COX19: variants seen among roughly 807,000 people sequenced by gnomAD.
The protein encoded by COX19 is cytochrome c oxidase assembly protein COX19.
In COX19, 8 loss-of-function variants were observed where a neutral mutation model predicts 6.8. The observed-to-expected ratio is 1.18, with a 90% CI of 0.69 to 2.12. The LOEUF (loss-of-function observed/expected upper bound fraction) is 2.12. COX19 is among the 30% of genes most tolerant of loss of function. The pLI, the probability that COX19 is intolerant of heterozygous loss-of-function variation, is 0.00. For missense variants in COX19, 131 were observed against 104.6 expected (o/e 1.25, Z -1.10); for synonymous variants, 51 against 38.0 (o/e 1.34, Z -1.26).
At chr7:969,548 G>A (rs1175003471) in intron 2 of COX19, 92 bp from the exon 3 acceptor site, 5 of 821,048 alleles carry the variant, frequency 6.1e-6, no homozygotes, top group South Asian at 2.9e-5. Flanking sequence ...CACACCGGGG[G>A]TCCTGCCACC....
chr7:970,774 C>T (rs1847623696), intron 2 of COX19, among the ~76,000 whole-genome samples: 1 of 151,564 alleles, frequency 6.6e-6, no homozygotes, highest in Non-Finnish European at 1.5e-5. Flanking sequence ...TATAGGGTTT[C>T]ACTATGTTGC....
Position 973,173 on chromosome 7 carries a change from G to A in COX19, c.194+8C>T, listed in dbSNP as rs1231295022. 3.8e-6 allele frequency: 6 copies of A among 1,568,238 alleles called. No homozygotes were observed. Among genetic ancestry groups the A allele is most frequent in the Non-Finnish European group, 5.2e-6 (6 of 1,156,680 alleles). Reference sequence around the variant, plus strand: ...GAGGTGGAAATCATAACGCTTAGCTGTACTCACCTCTCCATCCTGCATTCT... The same window carrying A: ...GAGGTGGAAATCATAACGCTTAGCTATACTCACCTCTCCATCCTGCATTCT... On this transcript the variant is annotated splice_region_variant and intron_variant, in intron 2 of 2. Coordinates refer to ENST00000344111, the MANE Select transcript of COX19 (RefSeq NM_001031617.3).
intron 1 of COX19, among the ~76,000 whole-genome samples, chr7:974,260 A>G (rs1445116135): frequency 6.6e-6 from 1 of 151,398 alleles, no homozygotes; most frequent in Non-Finnish European, 1.5e-5. Flanking sequence ...TAAAAAAAAA[A>G]AAAAAAAAAA....
rs1273716395 is a variant in COX19, at chr7:967,978, A to C, written c.*1400T>G. On this transcript the variant is annotated 3_prime_UTR_variant, in exon 3 of 3. Coordinates refer to ENST00000344111, the MANE Select transcript of COX19 (RefSeq NM_001031617.3). The stretch of plus-strand genomic sequence containing the variant: ...ACAGTGCTGGGGCAACCCTGTGCCT[A>C]CACAAAATATTCTAATAAGAAACAA... 6.6e-6 allele frequency: 1 copy of C among 152,268 alleles called. No homozygotes were observed. The highest frequency in any genetic ancestry group is 6.5e-5 in the Admixed American group (1 of 15,288). The allele number at this position is 152,268 out of a possible 1,614,324, so 9.4% of individuals were successfully genotyped here.
At position 975,466 on chromosome 7, in the gene COX19, C is replaced by G; in HGVS notation, c.44G>C (p.Arg15Pro). The G allele has an allele frequency of 6.2e-7, 1 of 1,601,796 alleles. No individual in the cohort carries two copies. The highest frequency in any genetic ancestry group is 8.5e-7 in the Non-Finnish European group (1 of 1,175,708). ...MNFGTKSFQP[R>P]PPDKGSFPLD... Reference sequence around the variant, plus strand: ...CGGGAAGCTGCCCTTGTCCGGGGGCCGCGGCTGGAAGCTCTTGGTCCCGAA... The same window carrying G: ...CGGGAAGCTGCCCTTGTCCGGGGGCGGCGGCTGGAAGCTCTTGGTCCCGAA... Residue 15 changes from arginine (R) to proline (P), a missense_variant, in exon 1 of 3, where the codon CGG becomes CCG. Coordinates refer to ENST00000344111, the MANE Select transcript of COX19 (RefSeq NM_001031617.3).
rs1847601930 is a variant in COX19, at chr7:969,249, G to A, written c.*129C>T. On this transcript the variant is annotated 3_prime_UTR_variant, in exon 3 of 3. Transcript: ENST00000344111. ...CCTACCCAGGAGACGCCCCCACAGGGCTGGAGCTTCTATTCGAAGCCCATT... is the reference window on the plus strand; with the variant it reads ...CCTACCCAGGAGACGCCCCCACAGGACTGGAGCTTCTATTCGAAGCCCATT... 1.4e-6 allele frequency: 1 copy of A among 696,024 alleles called. No individual in the cohort carries two copies. The highest frequency in any genetic ancestry group is 2.6e-6 in the Non-Finnish European group (1 of 388,136). 43.1% of individuals were successfully genotyped at this position (696,024 alleles called of 1,614,324 possible).
rs1847558453 is a variant in COX19 at position 966,598 on chromosome 7, CT to C, written c.*2779del. On this transcript the variant is annotated 3_prime_UTR_variant, in exon 3 of 3. Coordinates refer to ENST00000344111, the MANE Select transcript of COX19 (RefSeq NM_001031617.3). ...ACCTTCTCTGGCCTGGCCCTGGTTC[CT>C]TTTGGTTACAGAATGGTATCAGGGC... is the stretch of plus-strand genomic sequence containing the variant. 2 of 152,262 alleles carry C rather than the reference CT, an allele frequency of 1.3e-5. No individual in the cohort carries two copies. Among genetic ancestry groups the C allele is most frequent in the African/African-American group, 2.4e-5 (1 of 41,448 alleles). The allele number at this position is 152,262 out of a possible 1,614,324, so 9.4% of individuals were successfully genotyped here.
rs1468906028 is a variant in COX19 at position 975,535 on chromosome 7, G to A, written c.-26C>T. On this transcript the variant is annotated 5_prime_UTR_variant, in exon 1 of 3. Coordinates refer to ENST00000344111, the MANE Select transcript of COX19 (RefSeq NM_001031617.3). ...GTTGGCGACTCCGGAGTCTGCGAGC[G>A]CCTTGCGAGCGTACGCAGGGCGGCC... The A allele has an allele frequency of 1.3e-6, 2 of 1,585,352 alleles. No individual in the cohort carries two copies. The highest frequency in any genetic ancestry group is 1.7e-6 in the Non-Finnish European group (2 of 1,165,530).
Position 966,096 on chromosome 7 carries a change from A to C in COX19, c.*3282T>G, listed in dbSNP as rs1847549213. On this transcript the variant is annotated 3_prime_UTR_variant, in exon 3 of 3. Transcript: ENST00000344111. ...TTACTTATGTTGTATAGACTACTGG[A>C]TATCAATTTATTCTGAGGGCTACAG... The C allele has an allele frequency of 1.3e-5, 2 of 151,628 alleles. No individual in the cohort carries two copies. Among genetic ancestry groups the C allele is most frequent in the African/African-American group, 4.8e-5 (2 of 41,250 alleles). The allele number at this position is 151,628 out of a possible 1,614,324, so 9.4% of individuals were successfully genotyped here. A position where few individuals can be genotyped will look rare whatever the true frequency, so the allele number is the denominator to read the frequency against.
chr7:969,760 A>G (rs1847610625), intron 2 of COX19, among the ~76,000 whole-genome samples: 1 of 152,154 alleles, frequency 6.6e-6, no homozygotes, highest in East Asian at 1.9e-4. Flanking sequence ...ACGTCCTGCT[A>G]AAAGATGTAT....
chr7:973,126 AAAG>A (rs1847657507), intron 2 of COX19, 52 bp downstream of exon 2: 1 of 1,276,294 alleles, frequency 7.8e-7, no homozygotes. Context: ...CAGGAAAAAA[AAAG>A]TTTTAATTGG....
intron 1 of COX19, chr7:975,125 C>G (rs1206161912): frequency 2.8e-6 from 1 of 354,232 alleles, no homozygotes; most frequent in Non-Finnish European, 5.1e-6. Flanking sequence ...ATGCCCCGCT[C>G]TGCAAACCCG....
At position 971,532 on chromosome 7, in the gene COX19, A is replaced by G. The variant is rs892571614; in HGVS notation, c.194+1649T>C. On this transcript the variant is annotated intron_variant, in intron 2 of 2. Coordinates refer to ENST00000344111, the MANE Select transcript of COX19 (RefSeq NM_001031617.3). ...CTACGGTCAAAATAACTGACCTTAT[A>G]GAAAGAGCAGAATTTTTAAAAAGAA... Among the ~76,000 whole-genome samples the G allele has an allele frequency of 7.2e-5, 11 of 152,316 alleles. No individual in the cohort carries two copies. In the South Asian group the frequency reaches 2.1e-3, roughly 29 times the overall value.
chr7:975,516 G>C lies in COX19; in HGVS notation c.-7C>G, dbSNP rs1238085950. On this transcript the variant is annotated 5_prime_UTR_variant, in exon 1 of 3. Transcript: ENST00000344111. ...AATTCATGGCGGTCGACATGTTGGC[G>C]ACTCCGGAGTCTGCGAGCGCCTTGC... 1 of 1,599,962 alleles carries C rather than the reference G, an allele frequency of 6.3e-7. No individual in the cohort carries two copies. The highest frequency in any genetic ancestry group is 1.1e-5 in the South Asian group (1 of 89,316).
intron 2 of COX19, among the ~76,000 whole-genome samples, chr7:971,095 A>T (rs1388128687): frequency 1.3e-5 from 2 of 152,130 alleles, no homozygotes; most frequent in African/African-American, 4.8e-5. Flanking sequence ...CCATCATCCC[A>T]TGAGGCCCCC....
At position 969,246 on chromosome 7, in the gene COX19, A is replaced by G. The variant is rs1847601859; in HGVS notation, c.*132T>C. On this transcript the variant is annotated 3_prime_UTR_variant, in exon 3 of 3. Coordinates refer to ENST00000344111, the MANE Select transcript of COX19 (RefSeq NM_001031617.3). ...CTCCCTACCCAGGAGACGCCCCCACAGGGCTGGAGCTTCTATTCGAAGCCC... is the reference window on the plus strand; with the variant it reads ...CTCCCTACCCAGGAGACGCCCCCACGGGGCTGGAGCTTCTATTCGAAGCCC... The G allele has an allele frequency of 1.5e-6, 1 of 676,846 alleles. No individual in the cohort carries two copies. The highest frequency in any genetic ancestry group is 2.6e-5 in the East Asian group (1 of 39,134). 41.9% of individuals were successfully genotyped at this position (676,846 alleles called of 1,614,324 possible).
At chr7:969,934 C>T (rs902468792) in intron 2 of COX19, among the ~76,000 whole-genome samples, 7 of 150,808 alleles carry the variant, frequency 4.6e-5, no homozygotes, top group Non-Finnish European at 7.4e-5. Context: ...GGAACTGAGA[C>T]TCAGGTCGAC....
chr7:969,689 C>G (rs545529463), intron 2 of COX19, among the ~76,000 whole-genome samples: 60 of 152,222 alleles, frequency 3.9e-4, no homozygotes, highest in African/African-American at 1.3e-3. Flanking sequence ...AGGCCTGGGG[C>G]CTCTTGGGAT....
At position 973,111 on chromosome 7, in the gene COX19, C is replaced by A. The variant is rs1229829716; in HGVS notation, c.194+70G>T. 41 of 1,017,408 alleles carry A rather than the reference C, an allele frequency of 4.0e-5. No homozygotes were observed. The South Asian group carries it at 8.4e-4, about 21-fold the overall frequency. 63.0% of individuals were successfully genotyped at this position (1,017,408 alleles called of 1,614,324 possible). A position where few individuals can be genotyped will look rare whatever the true frequency, so the allele number is the denominator to read the frequency against. On this transcript the variant is annotated intron_variant, in intron 2 of 2. Transcript: ENST00000344111. ...GCCTGAAAAAGACACACTGTAATGG[C>A]CTTTCAGGAAAAAAAAAGTTTTAAT...
Sources: allele counts gnomAD v4.1 joint callset (sites outside exome capture counted in the v4.1 genomes callset), GRCh38; gene constraint gnomAD v4.1.1; transcripts MANE v1.5; gene names NCBI Gene and HGNC (gene_info 2026-07-23, HGNC 2026-07-21).